The following MAGI1 variants were observed in gnomAD, a reference collection of about 807,000 sequenced individuals.
MAGI1 encodes the protein membrane associated guanylate kinase, WW and PDZ domain containing 1.
In MAGI1, 58 loss-of-function variants were observed where a neutral mutation model predicts 139.9. The ratio of observed to expected loss-of-function variants is 0.41; its 90% CI spans 0.34 to 0.52. The LOEUF is 0.52. MAGI1 is among the 20% of genes least tolerant of loss of function. The pLI, the probability that MAGI1 is intolerant of heterozygous loss-of-function variation, is 0.12. For missense variants in MAGI1, 1,874 were observed against 1,901.6 expected, an observed-to-expected ratio of 0.99 and a Z score of 0.27; for synonymous variants, 812 against 737.9, an observed-to-expected ratio of 1.10 and a Z score of -1.63.
chr3:66,030,825 T>G (rs1407915009), intron 1 of MAGI1, among the ~76,000 whole-genome samples: 3 of 152,232 alleles, frequency 2.0e-5, no homozygotes, highest in Non-Finnish European at 2.9e-5. Flanking sequence ...TATTCCATTA[T>G]GTAATTACTG....
At chr3:65,397,517 A>C (rs1188581672) in intron 13 of MAGI1, among the ~76,000 whole-genome samples, 1 of 150,206 alleles carries the variant, frequency 6.7e-6, no homozygotes, top group Non-Finnish European at 1.5e-5. Context: ...CTATATAAAA[A>C]CTTTTTGTAG....
intron 1 of MAGI1, among the ~76,000 whole-genome samples, chr3:65,986,125 G>A (rs58234234): frequency 0.098 from 14,845 of 152,162 alleles, 934 homozygotes; most frequent in East Asian, 0.25. Context: ...ATAGCTGATT[G>A]ATCATGGTGC....
At chr3:65,919,188 CAGGAG>C (rs1360466050) in intron 1 of MAGI1, among the ~76,000 whole-genome samples, 4 of 152,194 alleles carry the variant, frequency 2.6e-5, no homozygotes, top group Admixed American at 1.3e-4. Flanking sequence ...GCTTTCCCCC[CAGGAG>C]ACAAAATGCT....
chr3:65,419,496 C>T (rs1426817591), intron 12 of MAGI1, among the ~76,000 whole-genome samples: 1 of 152,152 alleles, frequency 6.6e-6, no homozygotes, highest in Non-Finnish European at 1.5e-5. Flanking sequence ...CTCATTGAGA[C>T]AATAATGGCT....
chr3:65,362,619 T>C (rs1940983260), intron 21 of MAGI1, among the ~76,000 whole-genome samples: 1 of 152,210 alleles, frequency 6.6e-6, no homozygotes, highest in African/African-American at 2.4e-5. Flanking sequence ...TGAACAAACT[T>C]AAACATCAAG....
intron 1 of MAGI1, among the ~76,000 whole-genome samples, chr3:65,761,777 A>G (rs1456752035): frequency 2.0e-5 from 3 of 152,152 alleles, no homozygotes; most frequent in Non-Finnish European, 4.4e-5. Flanking sequence ...TTTGCCTCTC[A>G]GTACCACTCA....
intron 1 of MAGI1, among the ~76,000 whole-genome samples, chr3:65,734,314 G>A (rs2107747280): frequency 6.6e-6 from 1 of 152,082 alleles, no homozygotes; most frequent in South Asian, 2.1e-4. Flanking sequence ...TAAAGACTTG[G>A]CCAGGTATGG....
At chr3:65,575,728 G>T (rs2081147935) in intron 2 of MAGI1, among the ~76,000 whole-genome samples, 2 of 152,118 alleles carry the variant, frequency 1.3e-5, no homozygotes, top group African/African-American at 2.4e-5. Flanking sequence ...AACATGAATG[G>T]CTCTCAAAAA....
Position 65,429,764 on chromosome 3 carries a change from G to A in MAGI1, c.1923C>T (p.Leu641=), listed in dbSNP as rs1372758146. 3 of 1,613,982 alleles carry A rather than the reference G, an allele frequency of 1.9e-6. No individual in the cohort carries two copies. Among genetic ancestry groups the A allele is most frequent in the Middle Eastern group, 3.3e-4 (2 of 6,062 alleles). The change falls in exon 12 of 23, where the codon CTC becomes CTT. Residue 641 remains leucine (L), a synonymous_variant. Coordinates refer to ENST00000402939, the MANE Select transcript of MAGI1 (RefSeq NM_001033057.2). Reference sequence around the variant, plus strand: ...GCCCTTTGACAATATGAACAGTTATGAGTTCTGGCTGAGTGGCTATGGAGG... The same window carrying A: ...GCCCTTTGACAATATGAACAGTTATAAGTTCTGGCTGAGTGGCTATGGAGG... ...LASSIATQPE[L]ITVHIVKGPM... is the part of the protein sequence containing the mutation.
chr3:65,869,696 A>G (rs902463667), intron 1 of MAGI1, among the ~76,000 whole-genome samples: 6 of 152,098 alleles, frequency 3.9e-5, no homozygotes, highest in East Asian at 1.9e-4. Flanking sequence ...CACCGCGCCC[A>G]GCCAAGACTG....
intron 1 of MAGI1, among the ~76,000 whole-genome samples, chr3:65,849,251 C>G (rs2059120625): frequency 6.6e-6 from 1 of 150,936 alleles, no homozygotes; most frequent in Non-Finnish European, 1.5e-5. Flanking sequence ...TTTTGAACTC[C>G]TGACCTCAGG....
At chr3:65,623,809 A>T (rs2083815799) in intron 1 of MAGI1, among the ~76,000 whole-genome samples, 1 of 152,180 alleles carries the variant, frequency 6.6e-6, no homozygotes, top group Non-Finnish European at 1.5e-5. Flanking sequence ...ACCCAATTTG[A>T]GCTATTTTAT....
At chr3:65,663,256 G>A (rs996768088) in intron 1 of MAGI1, among the ~76,000 whole-genome samples, 2 of 152,116 alleles carry the variant, frequency 1.3e-5, no homozygotes, top group African/African-American at 2.4e-5. Context: ...TTTCCATATT[G>A]CTACAGAAGG....
At chr3:65,672,704 G>A (rs17073386) in intron 1 of MAGI1, among the ~76,000 whole-genome samples, 1 of 152,190 alleles carries the variant, frequency 6.6e-6, no homozygotes. Context: ...TATCAATTCA[G>A]TTGATCAGAT....
intron 1 of MAGI1, among the ~76,000 whole-genome samples, chr3:65,763,077 AC>A (rs1198444327): frequency 6.6e-6 from 1 of 152,094 alleles, no homozygotes; most frequent in African/African-American, 2.4e-5. Context: ...AGGCTCTCTG[AC>A]CCCACTCTTT....
At chr3:65,796,148 G>A (rs1330505494) in intron 1 of MAGI1, among the ~76,000 whole-genome samples, 1 of 151,986 alleles carries the variant, frequency 6.6e-6, no homozygotes, top group African/African-American at 2.4e-5. Context: ...GGCACAGGCC[G>A]GGGTCCCAGG....
At chr3:65,628,051 C>G (rs1266701248) in intron 1 of MAGI1, among the ~76,000 whole-genome samples, 1 of 152,136 alleles carries the variant, frequency 6.6e-6, no homozygotes, top group Non-Finnish European at 1.5e-5. Flanking sequence ...TGTAATGCCT[C>G]CCTCCCCTAA....
intron 15 of MAGI1, among the ~76,000 whole-genome samples, chr3:65,382,843 G>A (rs568030633): frequency 2.6e-5 from 4 of 152,208 alleles, no homozygotes; most frequent in East Asian, 3.9e-4. Context: ...TGGGTTTGAC[G>A]GATAAATGAG....
intron 4 of MAGI1, 80 bp from the exon 5 acceptor site, chr3:65,470,564 G>A (rs949522619): frequency 9.2e-6 from 8 of 866,642 alleles, no homozygotes; most frequent in Admixed American, 4.3e-5. Flanking sequence ...CCCCATACCC[G>A]GGAAGTATGC....
Sources: gnomAD v4.1 joint callset for allele counts (sites outside exome capture counted in the v4.1 genomes callset) on GRCh38, gnomAD v4.1.1 for gene constraint, MANE v1.5 for transcripts, NCBI Gene and HGNC (gene_info 2026-07-23, HGNC 2026-07-21) for gene names.